CIROZ: variants seen among roughly 807,000 people sequenced by gnomAD.
The protein encoded by CIROZ is ciliated left-right organizer ZP-N domains-containing protein.
chr1:10,955,630 G>C, the CIROZ span, among the ~76,000 whole-genome samples: 2 of 152,008 alleles, frequency 1.3e-5, no homozygotes, highest in South Asian at 4.2e-4. Context: ...ATTACCTCAG[G>C]TCAGGATTTC....
chr1:10,966,575 C>T, the CIROZ span: 1 of 1,343,998 alleles, frequency 7.4e-7, no homozygotes, highest in Non-Finnish European at 9.8e-7. Flanking sequence ...ATAGAAACTG[C>T]TCCGCCTGGA....
the CIROZ span, chr1:10,947,916 C>T: frequency 5.0e-6 from 8 of 1,613,796 alleles, no homozygotes; most frequent in African/African-American, 2.7e-5. Flanking sequence ...GCCCACAGGC[C>T]AGCCAGGGGC....
the CIROZ span, among the ~76,000 whole-genome samples, chr1:10,981,072 T>C: frequency 6.6e-6 from 1 of 152,216 alleles, no homozygotes; most frequent in South Asian, 2.1e-4. Flanking sequence ...AGGCTTCACT[T>C]CCCACTCTCA....
chr1:10,948,684 G>A, the CIROZ span: 200 of 1,604,056 alleles, frequency 1.2e-4, 1 homozygote, highest in South Asian at 1.7e-3. Flanking sequence ...TACAGGCTCC[G>A]AGGGGAGCGT....
chr1:10,958,132 G>T, the CIROZ span, among the ~76,000 whole-genome samples: 1 of 152,200 alleles, frequency 6.6e-6, no homozygotes, highest in Non-Finnish European at 1.5e-5. Context: ...GGGAATCAGG[G>T]TCTTGAATAA....
the CIROZ span, among the ~76,000 whole-genome samples, chr1:10,980,301 A>G: frequency 6.6e-6 from 1 of 152,176 alleles, no homozygotes; most frequent in Admixed American, 6.5e-5. Context: ...TTGAGCTGGG[A>G]GGAGCTTGCG....
At chr1:10,966,743 T>C in the CIROZ span, among the ~76,000 whole-genome samples, 3 of 152,086 alleles carry the variant, frequency 2.0e-5, no homozygotes, top group South Asian at 2.1e-4. Flanking sequence ...TGCAGCTGCC[T>C]CCTCCCATGT....
At chr1:10,971,344 A>T in the CIROZ span, among the ~76,000 whole-genome samples, 1 of 151,454 alleles carries the variant, frequency 6.6e-6, no homozygotes, top group Middle Eastern at 3.4e-3. Flanking sequence ...GGCAGCCACA[A>T]GGGATCTTAA....
the CIROZ span, among the ~76,000 whole-genome samples, chr1:10,976,439 C>A: frequency 3.9e-5 from 6 of 151,944 alleles, no homozygotes; most frequent in South Asian, 1.2e-3. Context: ...GCAACCTCCG[C>A]CTCCCCGGTT....
At chr1:10,957,810 G>A in the CIROZ span, 1 of 1,555,764 alleles carries the variant, frequency 6.4e-7, no homozygotes, top group South Asian at 1.2e-5. Flanking sequence ...GGTCACTAGG[G>A]GTTACGGAGA....
chr1:10,976,543 G>T, the CIROZ span, among the ~76,000 whole-genome samples: 4 of 151,684 alleles, frequency 2.6e-5, no homozygotes, highest in South Asian at 2.1e-4. Context: ...GTAGAGATGG[G>T]GTTTCACCAT....
chr1:10,968,874 C>T, the CIROZ span, among the ~76,000 whole-genome samples: 1 of 152,174 alleles, frequency 6.6e-6, no homozygotes, highest in Non-Finnish European at 1.5e-5. Flanking sequence ...TTAATGGGCT[C>T]TATCCAAAGC....
chr1:10,968,362 A>G, the CIROZ span, among the ~76,000 whole-genome samples: 3 of 152,190 alleles, frequency 2.0e-5, no homozygotes, highest in Admixed American at 6.5e-5. Flanking sequence ...TCGACTGTGC[A>G]TTTGATGGAA....
the CIROZ span, among the ~76,000 whole-genome samples, chr1:10,965,263 C>T: frequency 6.6e-6 from 1 of 151,754 alleles, no homozygotes; most frequent in Non-Finnish European, 1.5e-5. Context: ...ATTCCTTCCC[C>T]CACTCCAGAC....
the CIROZ span, chr1:10,982,029 C>A: frequency 6.5e-7 from 1 of 1,537,218 alleles, no homozygotes; most frequent in Non-Finnish European, 8.7e-7. Context: ...GTGCTGGGGA[C>A]CCCCACATCC....
chr1:10,980,467 T>C, the CIROZ span, among the ~76,000 whole-genome samples: 1 of 152,204 alleles, frequency 6.6e-6, no homozygotes, highest in African/African-American at 2.4e-5. Context: ...GGAGGCGCTA[T>C]TATTAGTTGA....
the CIROZ span, chr1:10,948,115 GC>G: frequency 3.7e-6 from 6 of 1,613,498 alleles, no homozygotes; most frequent in Non-Finnish European, 5.1e-6. Flanking sequence ...GGGTCTGGCT[GC>G]CTCACACTTG....
the CIROZ span, among the ~76,000 whole-genome samples, chr1:10,951,745 A>AAAAAAATATATAT: frequency 8.6e-4 from 102 of 119,148 alleles, no homozygotes; most frequent in South Asian, 5.7e-3. Context: ...AAAAAAAAAA[A>AAAAAAATATATAT]ATATATATAT....
the CIROZ span, among the ~76,000 whole-genome samples, chr1:10,979,460 G>A: frequency 1.3e-5 from 2 of 152,150 alleles, no homozygotes; most frequent in South Asian, 2.1e-4. Flanking sequence ...GGAGAGATTG[G>A]CAGAATGTGG....
Sources: gnomAD v4.1 joint callset for allele counts (sites outside exome capture counted in the v4.1 genomes callset) on GRCh38, gnomAD v4.1.1 for gene constraint, MANE v1.5 for transcripts, NCBI Gene and HGNC (gene_info 2026-07-23, HGNC 2026-07-21) for gene names.